The following DMD variants were observed in gnomAD, a reference collection of about 807,000 sequenced individuals.
DMD encodes dystrophin.
DMD carries 63 observed loss-of-function variants against 330.1 expected under a neutral mutation model. The observed-to-expected ratio is 0.19, with a 90% CI of 0.16 to 0.24. The LOEUF is 0.24. Ranked by LOEUF, DMD falls within the 10% of genes least tolerant of loss-of-function variation. The pLI is 1.00. For missense variants in DMD, 3,344 were observed against 2,684.1 expected (o/e 1.25, Z -5.43); for synonymous variants, 1,223 against 959.8 (o/e 1.27, Z -5.07).
chrX:31,595,201 C>T, intron 55 of DMD, among the ~76,000 whole-genome samples: 1 of 111,227 alleles, frequency 9.0e-6, no homozygotes, highest in East Asian at 2.8e-4. Flanking sequence ...CATTGAATTC[C>T]ATATGGAAGA....
At chrX:32,803,985 C>T (rs2076774687) in intron 7 of DMD, among the ~76,000 whole-genome samples, 2 of 111,968 alleles carry the variant, frequency 1.8e-5, no homozygotes, top group African/African-American at 6.5e-5. Context: ...TGGTCCAGAG[C>T]TGAGCTCAAG....
At chrX:31,389,131 T>C (rs929418134) in intron 60 of DMD, among the ~76,000 whole-genome samples, 3 of 112,234 alleles carry the variant, frequency 2.7e-5, no homozygotes, top group Admixed American at 9.5e-5. Flanking sequence ...CCTCTACATA[T>C]TGAAACTTGA....
In DMD at chrX:31,587,420, A is replaced by T. The variant is rs140943686; in HGVS notation, c.8217+40253T>A. ...CCACAATGTATGGGTATATCAAAAC[A>T]TCATGTTGTACACCATGAATATATA... On this transcript the variant is annotated intron_variant, in intron 55 of 78. Coordinates refer to ENST00000357033, the MANE Select transcript of DMD (RefSeq NM_004006.3). Among the ~76,000 whole-genome samples the T allele has an allele frequency of 3.5e-3, 398 of 112,563 alleles. 8 individuals are homozygous for T. Among genetic ancestry groups the T allele is most frequent in the Admixed American group, 0.034 (361 of 10,644 alleles).
At chrX:32,219,439 ATT>A (rs1482278556) in intron 43 of DMD, among the ~76,000 whole-genome samples, 1 of 111,894 alleles carries the variant, frequency 8.9e-6, no homozygotes, top group Non-Finnish European at 1.9e-5. Context: ...GTGAGACTAT[ATT>A]TTCTTATATA....
At chrX:32,887,814 A>AT (rs1454327513) in intron 2 of DMD, among the ~76,000 whole-genome samples, 3 of 102,630 alleles carry the variant, frequency 2.9e-5, no homozygotes, top group African/African-American at 1.1e-4. Flanking sequence ...CTGGGCAAGG[A>AT]TTTTTTGGAT....
intron 51 of DMD, among the ~76,000 whole-genome samples, chrX:31,736,354 A>T (rs2042026929): frequency 9.0e-6 from 1 of 111,485 alleles, no homozygotes; most frequent in Non-Finnish European, 1.9e-5. Context: ...GGAGAACAAA[A>T]GTCACTATAG....
chrX:32,984,687 T>A (rs1355150233), intron 2 of DMD, among the ~76,000 whole-genome samples: 2 of 112,123 alleles, frequency 1.8e-5, no homozygotes, highest in African/African-American at 3.2e-5. Flanking sequence ...CTTCCATAAA[T>A]ATTAATTATT....
At chrX:32,113,947 ATTTTC>A in intron 44 of DMD, among the ~76,000 whole-genome samples, 1 of 78,783 alleles carries the variant, frequency 1.3e-5, no homozygotes, top group African/African-American at 5.3e-5. Flanking sequence ...TGTTTCTAAT[ATTTTC>A]TTGTTTTTTT....
rs139813078 is a variant in DMD at position 33,094,283 on chromosome X, T to C, written c.32-74083A>G. 5.7e-3 allele frequency among the ~76,000 whole-genome samples: 637 copies of C among 111,517 alleles called. 2 individuals carry two copies. The highest frequency in any genetic ancestry group is 9.3e-3 in the Middle Eastern group (2 of 214). ...CAGGCCCTGAGTGAGTTCTGGGAGA[T>C]ACTAATATACACTTAAGTTCTGCCA... is the stretch of plus-strand genomic sequence containing the variant. On this transcript the variant is annotated intron_variant, in intron 1 of 78. Transcript: ENST00000357033.
At chrX:32,615,300 G>A (rs1289727776) in intron 11 of DMD, among the ~76,000 whole-genome samples, 1 of 111,404 alleles carries the variant, frequency 9.0e-6, no homozygotes, top group African/African-American at 3.3e-5. Flanking sequence ...GCTGGGTAAT[G>A]AATTTAAAGT....
intron 34 of DMD, among the ~76,000 whole-genome samples, chrX:32,373,196 C>T (rs56075742): frequency 0.44 from 47,538 of 107,754 alleles, 8,357 homozygotes; most frequent in East Asian, 0.71. Flanking sequence ...GAATATGTTA[C>T]TATTTAATTC....
At chrX:31,635,286 TTAA>T (rs1264904428) in intron 54 of DMD, among the ~76,000 whole-genome samples, 1 of 112,153 alleles carries the variant, frequency 8.9e-6, no homozygotes, top group Non-Finnish European at 1.9e-5. Flanking sequence ...GATAAACTCT[TTAA>T]AGATATATTT....
intron 2 of DMD, among the ~76,000 whole-genome samples, chrX:32,958,971 GA>G (rs1489354602): frequency 1.8e-5 from 2 of 109,208 alleles, no homozygotes; most frequent in East Asian, 6.0e-4. Flanking sequence ...GGGGGGGGAT[GA>G]GGGGTGTGTT....
intron 44 of DMD, among the ~76,000 whole-genome samples, chrX:32,037,016 T>C (rs1170409959): frequency 9.0e-6 from 1 of 111,497 alleles, no homozygotes; most frequent in Non-Finnish European, 1.9e-5. Flanking sequence ...TAGAAGTCAA[T>C]GTGCAGTGTG....
At chrX:31,903,943 A>G (rs958113952) in intron 47 of DMD, among the ~76,000 whole-genome samples, 1 of 112,057 alleles carries the variant, frequency 8.9e-6, no homozygotes, top group African/African-American at 3.2e-5. Flanking sequence ...TAGGAATTTT[A>G]TAGACATTCA....
At chrX:31,225,063 C>T (rs752331699) in intron 63 of DMD, among the ~76,000 whole-genome samples, 2 of 112,401 alleles carry the variant, frequency 1.8e-5, no homozygotes, top group East Asian at 2.8e-4. Flanking sequence ...GGTGGTTACA[C>T]GAGTGTATAC....
At chrX:31,381,096 T>C (rs1007628950) in intron 60 of DMD, among the ~76,000 whole-genome samples, 2 of 111,522 alleles carry the variant, frequency 1.8e-5, no homozygotes, top group Non-Finnish European at 1.9e-5. Context: ...AAAACCATTA[T>C]ATAAACTCAC....
intron 16 of DMD, among the ~76,000 whole-genome samples, chrX:32,563,949 T>A (rs182056678): frequency 9.0e-6 from 1 of 111,658 alleles, no homozygotes; most frequent in Admixed American, 9.5e-5. Context: ...TTACCAATTA[T>A]TTCATCACCC....
rs756841966 is a variant in DMD, at chrX:32,970,128, A to G, written c.93+50011T>C. Reference sequence around the variant, plus strand: ...ATCAGATGAGACACTTATGATCTCAATGCTCATTCTCCTACTACTCTTTGG... The same window carrying G: ...ATCAGATGAGACACTTATGATCTCAGTGCTCATTCTCCTACTACTCTTTGG... On this transcript the variant is annotated intron_variant, in intron 2 of 78. Coordinates refer to ENST00000357033, the MANE Select transcript of DMD (RefSeq NM_004006.3). Among the ~76,000 whole-genome samples, 30 of 94,467 alleles carry G rather than the reference A, an allele frequency of 3.2e-4. 5 individuals are homozygous for G. In the South Asian group the frequency reaches 0.014, roughly 45 times the overall value. 82.0% of individuals were successfully genotyped at this position (94,467 alleles called of 115,157 possible).
Sources: gnomAD v4.1 joint callset for allele counts (sites outside exome capture counted in the v4.1 genomes callset) on GRCh38, gnomAD v4.1.1 for gene constraint, MANE v1.5 for transcripts, NCBI Gene and HGNC (gene_info 2026-07-23, HGNC 2026-07-21) for gene names.